ECI2: variants seen among roughly 807,000 people sequenced by gnomAD.
ECI2 encodes D3,D2-enoyl-CoA isomerase.
A neutral mutation model predicts 38.4 loss-of-function variants in ECI2; 27 were observed. That is an observed-to-expected ratio of 0.70 (90% CI 0.52 to 0.97). ECI2 has a LOEUF of 0.97. Among genes scored for constraint, ECI2 ranks in the 50% least tolerant of loss-of-function variants. ECI2 has a pLI of 0.00. For missense variants in ECI2, 470 were observed against 474.4 expected (o/e 0.99, Z 0.09); for synonymous variants, 168 against 172.0 (o/e 0.98, Z 0.18).
intron 1 of ECI2, among the ~76,000 whole-genome samples, chr6:4,134,464 G>A (rs1049057791): frequency 6.6e-6 from 1 of 152,152 alleles, no homozygotes; most frequent in Non-Finnish European, 1.5e-5. Flanking sequence ...CGGGGGTGGG[G>A]TGGCAAACTT....
chr6:4,133,705 C>T lies in ECI2; in HGVS notation c.57G>A (p.Leu19=). The part of the protein sequence containing the change: ...RLARRSCPSS[L]QVTSFPVVQL... ...GAACTACCGGGAAACTAGTGACCTGCAGAGAACTACAATTAGGCAGACTGA... is the reference window on the plus strand; with the variant it reads ...GAACTACCGGGAAACTAGTGACCTGTAGAGAACTACAATTAGGCAGACTGA... Residue 19 remains leucine, a synonymous_variant, in exon 2 of 10, where the codon CTG becomes CTA. Transcript: ENST00000380118. 1 of 1,605,314 alleles carries T rather than the reference C, an allele frequency of 6.2e-7. No homozygotes were observed. The highest frequency in any genetic ancestry group is 8.5e-7 in the Non-Finnish European group (1 of 1,176,986).
chr6:4,135,531 C>T lies in ECI2; in HGVS notation c.30G>A (p.Leu10=), dbSNP rs369145992. The part of the protein sequence containing the change: MAMAYLAWR[L]ARRSCPSSLQ... ...CTTACCTCGGACACGAACGCCGCGC[C>T]AGTCTCCAAGCCAAGTACGCCATCG... The change falls in exon 1 of 10, where the codon CTG becomes CTA. Residue 10 remains leucine (L), a synonymous_variant. Coordinates refer to ENST00000380118, the MANE Select transcript of ECI2 (RefSeq NM_206836.3). 3.3e-5 allele frequency: 53 copies of T among 1,609,914 alleles called. No homozygotes were observed. In the East Asian group the frequency reaches 5.6e-4, roughly 17 times the overall value.
At position 4,126,256 on chromosome 6, in the gene ECI2, A is replaced by T; in HGVS notation, c.572-19T>A. On this transcript the variant is annotated intron_variant, in intron 5 of 9. Transcript: ENST00000380118. ...CCATTTCCTATAAGTAAGAAAATCA[A>T]CAGATCCCTCATTCAATCATCCTAT... The T allele has an allele frequency of 1.3e-6, 2 of 1,587,906 alleles. No individual in the cohort carries two copies. Among genetic ancestry groups the T allele is most frequent in the Non-Finnish European group, 1.7e-6 (2 of 1,160,706 alleles).
At chr6:4,126,076 A>G (rs1773134059) in intron 6 of ECI2, 59 bp downstream of exon 6, 2 of 1,392,924 alleles carry the variant, frequency 1.4e-6, no homozygotes, top group Non-Finnish European at 2.0e-6. Flanking sequence ...TCAACTAAAT[A>G]CCACTTTGAT....
In ECI2 at chr6:4,115,909, C is replaced by T. The variant is rs143350712; in HGVS notation, c.1150G>A (p.Val384Met). ...GATTTTCTGGATAAGAAGTTCACCA[C>T]AGCATTTGTGCATTCATCTGATAGC... is the stretch of plus-strand genomic sequence containing the variant. ...RWLSDECTNA[V>M]VNFLSRKSKL The change falls in exon 10 of 10, where the codon GTG (valine) becomes ATG (methionine). Residue 384 changes from valine to methionine, a missense_variant. Coordinates refer to ENST00000380118, the MANE Select transcript of ECI2 (RefSeq NM_206836.3). The T allele has an allele frequency of 1.4e-3, 2,189 of 1,614,060 alleles. 4 individuals are homozygous for T. Among genetic ancestry groups the T allele is most frequent in the Non-Finnish European group, 1.7e-3 (1,977 of 1,179,986 alleles).
chr6:4,129,118 C>A (rs745724059), intron 4 of ECI2, among the ~76,000 whole-genome samples: 16 of 151,428 alleles, frequency 1.1e-4, no homozygotes, highest in Non-Finnish European at 2.2e-4. Context: ...TCCTCCCTTC[C>A]TTCCTTCCTT....
At position 4,129,517 on chromosome 6, in the gene ECI2, TC is replaced by T. The variant is rs1418619707; in HGVS notation, c.501+854del. On this transcript the variant is annotated intron_variant, in intron 4 of 9. Coordinates refer to ENST00000380118, the MANE Select transcript of ECI2 (RefSeq NM_206836.3). ...TTGTTAAGTAATGATAACAGTAGGC[TC>T]CCTGTGAGAATTAAATAAACTTCTG... Among the ~76,000 whole-genome samples the T allele has an allele frequency of 2.0e-5, 3 of 152,306 alleles. No homozygotes were observed. The East Asian group carries it at 5.8e-4, about 29-fold the overall frequency.
In ECI2 at chr6:4,135,547, T is replaced by C. The variant is rs762001199; in HGVS notation, c.14A>G (p.Tyr5Cys). 24 of 1,578,760 alleles carry C rather than the reference T, an allele frequency of 1.5e-5. No individual in the cohort carries two copies. The highest frequency in any genetic ancestry group is 1.9e-5 in the Non-Finnish European group (22 of 1,161,604). The change falls in exon 1 of 10, where the codon TAC becomes TGC. Residue 5 changes from tyrosine (Y) to cysteine (C), a missense_variant. Coordinates refer to ENST00000380118, the MANE Select transcript of ECI2 (RefSeq NM_206836.3). ...ACGCCGCGCCAGTCTCCAAGCCAAG[T>C]ACGCCATCGCCATCCCTTGGGCGGC... The part of the protein sequence containing the change: MAMA[Y>C]LAWRLARRSC...
intron 9 of ECI2, 28 bp from the exon 10 acceptor site, chr6:4,116,057 TAA>T (rs1275041789): frequency 6.2e-7 from 1 of 1,603,668 alleles, no homozygotes; most frequent in African/African-American, 1.3e-5. Flanking sequence ...ACAATAAGGT[TAA>T]GAGTTGACCT....
chr6:4,117,371 AG>A lies in ECI2; in HGVS notation c.965del (p.Pro322LeufsTer13). On this transcript the variant is annotated frameshift_variant, in exon 9 of 10. Transcript: ENST00000380118. LOFTEE classifies it high-confidence loss of function. ...AGACTTCTTTCTGAAAAGTGCTATC[AG>A]GGAAAACTTCAGTAACAAGTCCTTG... ...CAQGLVTEVF[P>X]DSTFQKEVWT... The A allele has an allele frequency of 1.2e-6, 2 of 1,614,066 alleles. No homozygotes were observed. Among genetic ancestry groups the A allele is most frequent in the African/African-American group, 2.7e-5 (2 of 75,042 alleles).
intron 1 of ECI2, chr6:4,135,256 T>C (rs1342709308): frequency 1.3e-5 from 15 of 1,127,876 alleles, no homozygotes; most frequent in Middle Eastern, 2.0e-4. Context: ...GGCGGAGACC[T>C]TGGGGACTGC....
intron 7 of ECI2, among the ~76,000 whole-genome samples, chr6:4,124,644 G>A (rs6919394): frequency 0.015 from 2,226 of 152,234 alleles, 55 homozygotes; most frequent in African/African-American, 0.05. Flanking sequence ...TTTTTACCTT[G>A]TAGCTTTTCT....
chr6:4,117,704 A>G (rs1772376094), intron 8 of ECI2: 4 of 372,914 alleles, frequency 1.1e-5, no homozygotes, highest in Non-Finnish European at 1.9e-5. Flanking sequence ...CAGGGGGTCC[A>G]GGGCAGAAAT....
chr6:4,121,066 C>T (rs941498858), intron 7 of ECI2, among the ~76,000 whole-genome samples: 1 of 152,174 alleles, frequency 6.6e-6, no homozygotes, highest in Non-Finnish European at 1.5e-5. Flanking sequence ...TTGACATTCC[C>T]ACCAGCAATG....
Position 4,125,265 on chromosome 6 carries a change from C to T in ECI2, c.780G>A (p.Val260=). The part of the protein sequence containing the change: ...SVTLLGLFDA[V]YASDRATFHT... ...GCTGACTTACCCTGTCAGATGCATA[C>T]ACGGCATCGAATAGCCCAAGGAGGG... Residue 260 remains valine, a synonymous_variant, in exon 7 of 10, where the codon GTG becomes GTA. Transcript: ENST00000380118. 1.2e-6 allele frequency: 2 copies of T among 1,614,142 alleles called. No individual in the cohort carries two copies. Among genetic ancestry groups the T allele is most frequent in the Non-Finnish European group, 8.5e-7 (1 of 1,180,022 alleles).
At chr6:4,133,438 A>C in intron 2 of ECI2, 111 bp downstream of exon 2, 2 of 1,259,816 alleles carry the variant, frequency 1.6e-6, no homozygotes, top group East Asian at 4.7e-5. Context: ...GAGAAGAGGG[A>C]GCAAGACAAA....
rs757956244 is a variant in ECI2, at chr6:4,125,285, G to A, written c.760C>T (p.Leu254Phe). 4 of 1,614,170 alleles carry A rather than the reference G, an allele frequency of 2.5e-6. No individual in the cohort carries two copies. The South Asian group carries it at 4.4e-5, about 18-fold the overall frequency. The change falls in exon 7 of 10, where the codon CTT (leucine) becomes TTT (phenylalanine). Residue 254 changes from leucine (L) to phenylalanine (F), a missense_variant. Transcript: ENST00000380118. ...GCATACACGGCATCGAATAGCCCAA[G>A]GAGGGTGACGGAGATGCCCACAGCT... Reference protein sequence around the residue: ...GPAVGISVTLLGLFDAVYASD... With the variant: ...GPAVGISVTLFGLFDAVYASD...
At position 4,125,364 on chromosome 6, in the gene ECI2, A is replaced by G; in HGVS notation, c.681T>C (p.Phe227=). Reference sequence around the variant, plus strand: ...TAGGAAAATCTATAAAACAGCCCACAAATTCCCTACAGAAATGGAAACACA... The same window carrying G: ...TAGGAAAATCTATAAAACAGCCCACGAATTCCCTACAGAAATGGAAACACA... ...AKNNAVLLRE[F]VGCFIDFPKP... Residue 227 remains phenylalanine (F), a synonymous_variant, in exon 7 of 10, where the codon TTT becomes TTC. Coordinates refer to ENST00000380118, the MANE Select transcript of ECI2 (RefSeq NM_206836.3). 6.2e-7 allele frequency: 1 copy of G among 1,614,132 alleles called. No homozygotes were observed. Among genetic ancestry groups the G allele is most frequent in the Non-Finnish European group, 8.5e-7 (1 of 1,180,028 alleles).
chr6:4,116,979 C>A (rs1162346926), intron 9 of ECI2, among the ~76,000 whole-genome samples: 1 of 152,188 alleles, frequency 6.6e-6, no homozygotes, highest in Non-Finnish European at 1.5e-5. Flanking sequence ...TACAATAAGA[C>A]TCTCAAAGTA....
Sources: gnomAD v4.1 joint callset for allele counts (sites outside exome capture counted in the v4.1 genomes callset) on GRCh38, gnomAD v4.1.1 for gene constraint, MANE v1.5 for transcripts, NCBI Gene and HGNC (gene_info 2026-07-23, HGNC 2026-07-21) for gene names.